Variants in EYS observed in about 807,000 individuals in gnomAD.
The protein encoded by EYS is protein eyes shut homolog.
Under a neutral mutation model 282.1 loss-of-function variants are expected in EYS, and 250 were observed. The observed-to-expected ratio is 0.89, with a 90% CI of 0.80 to 0.98. EYS has a LOEUF of 0.98. EYS is among the 50% of genes least tolerant of loss of function. The pLI is 0.00. For synonymous variants in EYS, 1,355 were observed against 1,282.9 expected (o/e 1.06, Z -1.20); for missense variants, 4,016 against 3,709.0 (o/e 1.08, Z -2.15).
chr6:64,743,478 T>G (rs1772444129), intron 22 of EYS, among the ~76,000 whole-genome samples: 1 of 152,186 alleles, frequency 6.6e-6, no homozygotes, highest in Non-Finnish European at 1.5e-5. Context: ...TTCAATTTTT[T>G]TTCTAATGGT....
chr6:64,494,032 C>T (rs1032724628), intron 26 of EYS, among the ~76,000 whole-genome samples: 2 of 151,572 alleles, frequency 1.3e-5, no homozygotes, highest in African/African-American at 4.8e-5. Context: ...AGTATCTTCA[C>T]TAGAACATAG....
chr6:63,979,772 A>C (rs946123181), intron 35 of EYS, among the ~76,000 whole-genome samples: 14 of 151,896 alleles, frequency 9.2e-5, no homozygotes, highest in African/African-American at 3.4e-4. Context: ...GAATTTCACT[A>C]CATGCAATTT....
At chr6:65,090,491 A>T (rs1774527945) in intron 12 of EYS, among the ~76,000 whole-genome samples, 1 of 152,154 alleles carries the variant, frequency 6.6e-6, no homozygotes. Context: ...ACACTCACCA[A>T]ATACAGTAAG....
chr6:65,327,406 G>C (rs1245816708), intron 11 of EYS, among the ~76,000 whole-genome samples: 4 of 151,366 alleles, frequency 2.6e-5, no homozygotes, highest in Non-Finnish European at 4.4e-5. Flanking sequence ...AATGTGAATT[G>C]TGTTTTATTT....
chr6:65,414,580 CT>C (rs548455682), intron 5 of EYS, among the ~76,000 whole-genome samples: 47 of 148,036 alleles, frequency 3.2e-4, no homozygotes, highest in South Asian at 2.6e-3. Context: ...AAGATTTAAT[CT>C]TTTTTTTTTA....
chr6:65,669,771 TAG>T (rs1387837415), intron 1 of EYS, among the ~76,000 whole-genome samples: 1 of 151,946 alleles, frequency 6.6e-6, no homozygotes, highest in Non-Finnish European at 1.5e-5. Context: ...GTGTGTCAAA[TAG>T]AGTTATTAAC....
intron 12 of EYS, among the ~76,000 whole-genome samples, chr6:65,164,828 G>A (rs143678578): frequency 8.6e-5 from 13 of 151,214 alleles, no homozygotes; most frequent in African/African-American, 3.1e-4. Context: ...TTGAATTCTC[G>A]ATGTACAACC....
intron 11 of EYS, among the ~76,000 whole-genome samples, chr6:65,298,715 T>G (rs546289336): frequency 1.1e-4 from 17 of 151,306 alleles, no homozygotes; most frequent in Admixed American, 4.0e-4. Context: ...CAAACCTACC[T>G]ACACATACAT....
intron 11 of EYS, among the ~76,000 whole-genome samples, chr6:65,297,345 C>A (rs922650166): frequency 2.0e-5 from 3 of 151,738 alleles, no homozygotes; most frequent in African/African-American, 2.4e-5. Context: ...TAAAAATTAA[C>A]CTACTGAACC....
intron 39 of EYS, among the ~76,000 whole-genome samples, chr6:63,784,839 C>T (rs1770324401): frequency 6.6e-6 from 1 of 152,064 alleles, no homozygotes; most frequent in South Asian, 2.1e-4. Context: ...CTGTTGCGTT[C>T]TAGAGCAGGA....
chr6:64,605,473 G>A lies in EYS; in HGVS notation c.3684+11945C>T, dbSNP rs765474770. On this transcript the variant is annotated intron_variant, in intron 24 of 42. Coordinates refer to ENST00000503581, the MANE Select transcript of EYS (RefSeq NM_001142800.2). The stretch of plus-strand genomic sequence containing the variant: ...CATCATATCAGAACAATTTAATAAC[G>A]CATAATTACTACAGGTGCAAATTAT... Among the ~76,000 whole-genome samples, 6 of 151,660 alleles carry A rather than the reference G, an allele frequency of 4.0e-5. No homozygotes were observed. The East Asian group carries it at 5.8e-4, about 15-fold the overall frequency.
chr6:65,194,881 A>G (rs1201761811), intron 12 of EYS, among the ~76,000 whole-genome samples: 1 of 151,408 alleles, frequency 6.6e-6, no homozygotes, highest in Non-Finnish European at 1.5e-5. Context: ...CTGGATTACC[A>G]GTAGAACACT....
intron 22 of EYS, among the ~76,000 whole-genome samples, chr6:64,640,654 G>A (rs1014612619): frequency 6.6e-6 from 1 of 151,824 alleles, no homozygotes; most frequent in African/African-American, 2.4e-5. Flanking sequence ...CACAAGCATG[G>A]CACATGTATA....
chr6:64,036,624 G>C (rs998982968), intron 33 of EYS, among the ~76,000 whole-genome samples: 4 of 152,176 alleles, frequency 2.6e-5, no homozygotes, highest in African/African-American at 9.7e-5. Flanking sequence ...TCACAGTGGG[G>C]ATAAAGAGAA....
intron 12 of EYS, among the ~76,000 whole-genome samples, chr6:65,204,067 G>A (rs573502542): frequency 6.6e-6 from 1 of 152,184 alleles, no homozygotes; most frequent in Admixed American, 6.5e-5. Context: ...TATGGGTTAT[G>A]TAAAGCGACC....
At position 64,439,230 on chromosome 6, in the gene EYS, C is replaced by A; in HGVS notation, c.5767G>T (p.Val1923Phe). The change falls in exon 27 of 43, where the codon GTC (valine) becomes TTC (phenylalanine). Residue 1923 changes from valine to phenylalanine, a missense_variant. By Grantham distance (50) the Val-to-Phe change is conservative. Coordinates refer to ENST00000503581, the MANE Select transcript of EYS (RefSeq NM_001142800.2). ...TFSSYGLLLY[V>F]KQDSNLVDGF... ...TCTACTAAATTTGAGTCTTGCTTGA[C>A]ATACAGCAGAAGTCCATAGGAGCTG... 1 of 1,499,740 alleles carries A rather than the reference C, an allele frequency of 6.7e-7. No homozygotes were observed. The highest frequency in any genetic ancestry group is 8.9e-7 in the Non-Finnish European group (1 of 1,125,160). The allele number at this position is 1,499,740 out of a possible 1,614,324, so 92.9% of individuals were successfully genotyped here.
At chr6:63,836,334 A>G (rs1771804133) in intron 36 of EYS, among the ~76,000 whole-genome samples, 1 of 152,030 alleles carries the variant, frequency 6.6e-6, no homozygotes, top group Non-Finnish European at 1.5e-5. Flanking sequence ...TTTGCCTTTT[A>G]CCAAAAAAAT....
intron 41 of EYS, among the ~76,000 whole-genome samples, chr6:63,761,236 A>G (rs1354666775): frequency 6.6e-6 from 1 of 151,740 alleles, no homozygotes. Context: ...CAAAATCTCT[A>G]CTCCAGGAAA....
chr6:64,069,996 G>T (rs1388909420), intron 32 of EYS, among the ~76,000 whole-genome samples: 1 of 151,966 alleles, frequency 6.6e-6, no homozygotes. Flanking sequence ...GAGACAGCTG[G>T]ATTATTATAT....
Sources: allele counts gnomAD v4.1 joint callset (sites outside exome capture counted in the v4.1 genomes callset), GRCh38; gene constraint gnomAD v4.1.1; transcripts MANE v1.5; gene names NCBI Gene and HGNC (gene_info 2026-07-23, HGNC 2026-07-21).